Variants in DET1 observed in about 807,000 individuals in gnomAD.
DET1 encodes the protein DET1 homolog.
In DET1, 22 loss-of-function variants were observed where a neutral mutation model predicts 43.7. The observed-to-expected ratio is 0.50, with a 90% confidence interval of 0.36 to 0.72. The LOEUF (loss-of-function observed/expected upper bound fraction) is 0.72. DET1 is among the 30% of genes least tolerant of loss of function. The pLI is 0.00. For missense variants in DET1, 713 were observed against 713.3 expected (o/e 1.00, Z 0.00); for synonymous variants, 315 against 266.2 (o/e 1.18, Z -1.79).
At chr15:88,503,592 T>C (rs980373737) in intron 8 of DET1, 2 of 152,226 alleles carry the variant, frequency 1.3e-5, no homozygotes, top group African/African-American at 2.4e-5. Context: ...ATCTACAAAA[T>C]AGGAATACTG....
chr15:88,512,985 A>G lies in DET1; in HGVS notation c.1619T>C (p.Val540Ala). Residue 540 changes from valine (V) to alanine (A), a missense_variant, in exon 5 of 5, where the codon GTT becomes GCT. Physicochemically the swap from Val to Ala is moderately conservative, Grantham distance 64. Transcript: ENST00000268148. ...ISVQRTNAEYVVNFHMRHCCT is the reference protein window; with the variant it reads ...ISVQRTNAEYAVNFHMRHCCT Reference sequence around the variant, plus strand: ...GCAGTGTCGCATATGGAAGTTGACAACATACTCAGCATTAGTCCTCTGCAC... The same window carrying G: ...GCAGTGTCGCATATGGAAGTTGACAGCATACTCAGCATTAGTCCTCTGCAC... 1 of 1,614,048 alleles carries G rather than the reference A, an allele frequency of 6.2e-7. No homozygotes were observed. Among genetic ancestry groups the G allele is most frequent in the Non-Finnish European group, 8.5e-7 (1 of 1,179,890 alleles).
intron 1 of DET1, among the ~76,000 whole-genome samples, chr15:88,542,152 C>T (rs1299367077): frequency 1.3e-5 from 2 of 152,200 alleles, no homozygotes; most frequent in Non-Finnish European, 2.9e-5. Flanking sequence ...CAGCCAACAG[C>T]TCCTTTTAAC....
intron 1 of DET1, among the ~76,000 whole-genome samples, chr15:88,535,265 T>A (rs991265081): frequency 6.6e-6 from 1 of 151,908 alleles, no homozygotes; most frequent in Non-Finnish European, 1.5e-5. Flanking sequence ...AAGGGCAGAA[T>A]GAAGTCATCA....
At chr15:88,542,449 T>A (rs1349534308) in intron 1 of DET1, among the ~76,000 whole-genome samples, 1 of 152,120 alleles carries the variant, frequency 6.6e-6, no homozygotes. Context: ...GTTTTTAGAA[T>A]GTCTCCAGGA....
chr15:88,536,782 A>G lies in DET1; in HGVS notation c.-10-5067T>C, dbSNP rs192870771. On this transcript the variant is annotated intron_variant, in intron 1 of 4. Transcript: ENST00000268148. The stretch of plus-strand genomic sequence containing the variant: ...CAAGACTCCATCTCAAAAAAAAAAA[A>G]AAAAAAAGGAACAAACTAGATAAAA... Among the ~76,000 whole-genome samples, 494 of 151,516 alleles carry G rather than the reference A, an allele frequency of 3.3e-3. 5 individuals carry two copies. Among genetic ancestry groups the G allele is most frequent in the Non-Finnish European group, 5.1e-3 (347 of 67,874 alleles).
intron 8 of DET1, chr15:88,503,614 G>A (rs2056109585): frequency 6.6e-6 from 1 of 152,174 alleles, no homozygotes; most frequent in South Asian, 2.1e-4. Flanking sequence ...ATTTTTCAGA[G>A]GATGCCATAT....
At chr15:88,526,154 C>T (rs996337956) in intron 3 of DET1, among the ~76,000 whole-genome samples, 3 of 152,190 alleles carry the variant, frequency 2.0e-5, no homozygotes, top group African/African-American at 7.2e-5. Flanking sequence ...AGACAGTTGT[C>T]TGAATTCAAT....
At chr15:88,526,942 T>C (rs1200279410) in intron 3 of DET1, among the ~76,000 whole-genome samples, 1 of 152,208 alleles carries the variant, frequency 6.6e-6, no homozygotes, top group Non-Finnish European at 1.5e-5. Flanking sequence ...CAGAGGCACC[T>C]GGGACCTCCA....
intron 7 of DET1, among the ~76,000 whole-genome samples, chr15:88,506,301 C>A (rs556894492): frequency 1.4e-4 from 21 of 152,292 alleles, no homozygotes; most frequent in African/African-American, 4.1e-4. Context: ...GGGTTTGCAC[C>A]AGGCTTCACA....
intron 3 of DET1, among the ~76,000 whole-genome samples, chr15:88,521,822 C>G (rs1292714703): frequency 6.6e-6 from 1 of 151,770 alleles, no homozygotes; most frequent in Non-Finnish European, 1.5e-5. Context: ...TCACAATGTT[C>G]TCTTTATCAC....
chr15:88,527,815 G>C, intron 2 of DET1, 29 bp from the exon 3 acceptor site: 1 of 1,531,150 alleles, frequency 6.5e-7, no homozygotes, highest in Middle Eastern at 1.8e-4. Flanking sequence ...AGAGGTATGG[G>C]ACAGCTGAGT....
intron 1 of DET1, among the ~76,000 whole-genome samples, chr15:88,540,583 A>T (rs145985795): frequency 9.4e-4 from 143 of 152,020 alleles, no homozygotes; most frequent in African/African-American, 3.4e-3. Flanking sequence ...TCAGATTGTT[A>T]CTGTGTCTGT....
At chr15:88,532,618 A>G (rs983578051) in intron 1 of DET1, among the ~76,000 whole-genome samples, 1 of 152,242 alleles carries the variant, frequency 6.6e-6, no homozygotes. Flanking sequence ...GACCAATGAA[A>G]TGGCCCACAG....
Position 88,512,666 on chromosome 15 carries a change from T to A in DET1, c.*285A>T, listed in dbSNP as rs2056224692. 8.6e-7 allele frequency: 1 copy of A among 1,163,684 alleles called. No individual in the cohort carries two copies. Among genetic ancestry groups the A allele is most frequent in the Non-Finnish European group, 1.1e-6 (1 of 943,338 alleles). 72.1% of individuals were successfully genotyped at this position (1,163,684 alleles called of 1,614,324 possible). A position where few individuals can be genotyped will look rare whatever the true frequency, so the allele number is the denominator to read the frequency against. Reference sequence around the variant, plus strand: ...TCTAATGCTTTCATCTTCACAGCAATCAAATGCAAAGTAAAGCAAAAATGA... The same window carrying A: ...TCTAATGCTTTCATCTTCACAGCAAACAAATGCAAAGTAAAGCAAAAATGA... On this transcript the variant is annotated 3_prime_UTR_variant, in exon 5 of 5. Transcript: ENST00000268148.
intron 3 of DET1, among the ~76,000 whole-genome samples, chr15:88,523,968 GGCC>G (rs1340693684): frequency 1.4e-4 from 21 of 149,628 alleles, no homozygotes; most frequent in South Asian, 4.2e-4. Context: ...GTCTCCACCC[GGCC>G]GCCATCCCAT....
intron 1 of DET1, among the ~76,000 whole-genome samples, chr15:88,537,738 C>A (rs1186754997): frequency 6.6e-6 from 1 of 152,202 alleles, no homozygotes; most frequent in Non-Finnish European, 1.5e-5. Flanking sequence ...CTGGACCTGT[C>A]TAACGGGAAG....
At chr15:88,530,050 C>A (rs919633966) in intron 2 of DET1, among the ~76,000 whole-genome samples, 2 of 152,246 alleles carry the variant, frequency 1.3e-5, no homozygotes, top group Admixed American at 6.5e-5. Context: ...CACTGCTCTA[C>A]AACCTATGTC....
At chr15:88,545,840 G>A (rs1305884258) in intron 1 of DET1, among the ~76,000 whole-genome samples, 2 of 150,482 alleles carry the variant, frequency 1.3e-5, no homozygotes, top group African/African-American at 2.5e-5. Flanking sequence ...GACTTAACTT[G>A]TGCAAGCTGA....
chr15:88,522,417 TTATC>T (rs2056516581), intron 3 of DET1, among the ~76,000 whole-genome samples: 1 of 152,060 alleles, frequency 6.6e-6, no homozygotes, highest in African/African-American at 2.4e-5. Context: ...GTCCCTTCTC[TTATC>T]TATTTACTCT....
Sources: gnomAD v4.1 joint callset for allele counts (sites outside exome capture counted in the v4.1 genomes callset) on GRCh38, gnomAD v4.1.1 for gene constraint, MANE v1.5 for transcripts, NCBI Gene and HGNC (gene_info 2026-07-23, HGNC 2026-07-21) for gene names.